Variants in GNG4 observed in about 807,000 individuals in gnomAD.
GNG4 encodes the protein guanine nucleotide-binding protein G(I)/G(S)/G(O) subunit gamma-4.
A neutral mutation model predicts 5.8 loss-of-function variants in GNG4; 4 were observed. That is an observed-to-expected ratio of 0.69 (90% confidence interval 0.34 to 1.57). The LOEUF (loss-of-function observed/expected upper bound fraction) is 1.57, where lower values mean the gene tolerates loss of function less well. Ranked by LOEUF, GNG4 falls within the 40% of genes most tolerant of loss-of-function variation. The pLI is 0.06. For synonymous variants in GNG4, 29 were observed against 32.9 expected (o/e 0.88, Z 0.41); for missense variants, 96 against 95.1 (o/e 1.01, Z -0.04).
intron 1 of GNG4, among the ~76,000 whole-genome samples, chr1:235,612,145 A>G (rs966202744): frequency 2.0e-5 from 3 of 151,450 alleles, no homozygotes; most frequent in African/African-American, 7.3e-5. Context: ...TTGGCTCCTC[A>G]TTGGTTATCA....
intron 2 of GNG4, among the ~76,000 whole-genome samples, chr1:235,587,220 GGTGAGT>G: frequency 1.2e-5 from 1 of 83,758 alleles, no homozygotes; most frequent in Middle Eastern, 4.6e-3. Flanking sequence ...TGAGGGTGTG[GGTGAGT>G]GTGAGTGTGT....
At chr1:235,635,391 G>A (rs965625063) in intron 1 of GNG4, among the ~76,000 whole-genome samples, 1 of 152,048 alleles carries the variant, frequency 6.6e-6, no homozygotes, top group Non-Finnish European at 1.5e-5. Flanking sequence ...AGCTACTTGG[G>A]AGGCTGAGGC....
intron 3 of GNG4, among the ~76,000 whole-genome samples, chr1:235,570,315 T>C (rs532276352): frequency 6.6e-6 from 1 of 151,756 alleles, no homozygotes; most frequent in African/African-American, 2.4e-5. Flanking sequence ...CTCCACTCTT[T>C]CCAGTGGTGC....
intron 2 of GNG4, among the ~76,000 whole-genome samples, chr1:235,593,467 T>G (rs1688034197): frequency 1.3e-5 from 2 of 152,206 alleles, no homozygotes; most frequent in African/African-American, 2.4e-5. Context: ...TTGACAAGTA[T>G]CTGTAGGCAG....
chr1:235,627,516 T>C (rs1688841247), intron 1 of GNG4, among the ~76,000 whole-genome samples: 1 of 152,124 alleles, frequency 6.6e-6, no homozygotes, highest in African/African-American at 2.4e-5. Flanking sequence ...CCACCGCACC[T>C]GGCCGACATA....
At chr1:235,562,659 G>GAAAAAAAAAAAAAAA (rs1318706984) in intron 3 of GNG4, among the ~76,000 whole-genome samples, 4 of 51,290 alleles carry the variant, frequency 7.8e-5, no homozygotes, top group Non-Finnish European at 8.0e-5. Flanking sequence ...AAAAAAAAAA[G>GAAAAAAAAAAAAAAA]AAAAAAAAAA....
intron 1 of GNG4, among the ~76,000 whole-genome samples, 153 bp from the exon 2 acceptor site, chr1:235,595,664 TG>T (rs1688106036): frequency 6.6e-6 from 1 of 151,914 alleles, no homozygotes; most frequent in Non-Finnish European, 1.5e-5. Context: ...CTTGGGGAGA[TG>T]GGGAGCTCGA....
intron 3 of GNG4, among the ~76,000 whole-genome samples, chr1:235,561,275 T>C (rs291351): frequency 0.48 from 72,372 of 152,012 alleles, 18,089 homozygotes; most frequent in East Asian, 0.85. Context: ...TCCCAAAGTG[T>C]TGGGATTACA....
rs187159798 is a variant in GNG4 at position 235,582,063 on chromosome 1, T to A, written c.99+1677A>T. Among the ~76,000 whole-genome samples the A allele has an allele frequency of 2.1e-3, 324 of 152,296 alleles. 1 individual carries two copies. Among genetic ancestry groups the A allele is most frequent in the Non-Finnish European group, 3.0e-3 (202 of 68,022 alleles). ...TTCTAACGTCTCTCTCCCTAGTGCC[T>A]CCCACGTTTACTCTCCATGTTCTGT... On this transcript the variant is annotated intron_variant, in intron 3 of 3. Transcript: ENST00000391854.
chr1:235,578,573 C>A (rs927279780), intron 3 of GNG4, among the ~76,000 whole-genome samples: 2 of 151,998 alleles, frequency 1.3e-5, no homozygotes, highest in African/African-American at 4.8e-5. Context: ...TATATTTACA[C>A]AATAGAATAC....
intron 1 of GNG4, chr1:235,615,917 A>G (rs746648786): frequency 4.5e-5 from 13 of 289,050 alleles, no homozygotes; most frequent in African/African-American, 1.1e-4. Context: ...TGGAGCTGAA[A>G]GGTGTCCACT....
chr1:235,592,834 C>A (rs1288639611), intron 2 of GNG4, among the ~76,000 whole-genome samples: 1 of 152,194 alleles, frequency 6.6e-6, no homozygotes, highest in Non-Finnish European at 1.5e-5. Flanking sequence ...CCGCCGGGTC[C>A]TCCTTGCTTG....
chr1:235,624,653 G>A lies in GNG4; in HGVS notation c.-123+25009C>T, dbSNP rs12024276. Among the ~76,000 whole-genome samples, 8,366 of 152,222 alleles carry A rather than the reference G, an allele frequency of 0.055. 1,228 individuals carry two copies. The East Asian group carries it at 0.56, about 10-fold the overall frequency. ...GAAGAATTAACTTTGTTAAAAAACA[G>A]GATGTCTTTGTTCCAGAGTATCAAG... On this transcript the variant is annotated intron_variant, in intron 1 of 3. Transcript: ENST00000391854.
chr1:235,637,683 G>C (rs1001104061), intron 1 of GNG4, among the ~76,000 whole-genome samples: 5 of 151,300 alleles, frequency 3.3e-5, no homozygotes, highest in African/African-American at 1.2e-4. Context: ...AAATTAGAAT[G>C]AGGAAAACAA....
rs752615744 is a variant in GNG4, at chr1:235,644,632, G to C, written c.-123+5030C>G. On this transcript the variant is annotated intron_variant, in intron 1 of 3. Transcript: ENST00000391854. The surrounding 1 kb of genome is among the most constrained non-coding windows in gnomAD (Gnocchi z 5.9). ...GACTAGAGCAGCTTCTGAGTGATAC[G>C]CAAAGTTAACTGGGGCACAGAGAAA... Among the ~76,000 whole-genome samples the C allele has an allele frequency of 6.6e-6, 1 of 152,202 alleles. No homozygotes were observed. The highest frequency in any genetic ancestry group is 2.1e-4 in the South Asian group (1 of 4,828).
At chr1:235,569,160 T>C (rs1462846558) in intron 3 of GNG4, among the ~76,000 whole-genome samples, 1 of 152,116 alleles carries the variant, frequency 6.6e-6, no homozygotes, top group Non-Finnish European at 1.5e-5. Context: ...AATGGGGTAC[T>C]GATAGCACCA....
chr1:235,594,563 C>T lies in GNG4; in HGVS notation c.-11+837G>A, dbSNP rs371199492. ...CTCAGGCATGGTGGGCTGCAGGTCCCGAGCCCTGCCCCGCAGGGAGGCAGC... is the reference window on the plus strand; with the variant it reads ...CTCAGGCATGGTGGGCTGCAGGTCCTGAGCCCTGCCCCGCAGGGAGGCAGC... On this transcript the variant is annotated intron_variant, in intron 2 of 3. Coordinates refer to ENST00000391854, the MANE Select transcript of GNG4 (RefSeq NM_001098722.2). Among the ~76,000 whole-genome samples, 29 of 152,294 alleles carry T rather than the reference C, an allele frequency of 1.9e-4. No homozygotes were observed. In the East Asian group the frequency reaches 3.1e-3, roughly 16 times the overall value.
chr1:235,624,024 T>A (rs1688760018), intron 1 of GNG4, among the ~76,000 whole-genome samples: 1 of 151,984 alleles, frequency 6.6e-6, no homozygotes, highest in Admixed American at 6.6e-5. Flanking sequence ...AGAGTACAGG[T>A]GAAAAGCACA....
intron 3 of GNG4, among the ~76,000 whole-genome samples, chr1:235,581,031 C>T (rs1004508663): frequency 1.3e-5 from 2 of 152,012 alleles, no homozygotes; most frequent in African/African-American, 2.4e-5. Flanking sequence ...GGATTACAGG[C>T]GTCAGCCACC....
Sources: allele counts gnomAD v4.1 joint callset (sites outside exome capture counted in the v4.1 genomes callset), GRCh38; gene constraint gnomAD v4.1.1; non-coding constraint Gnocchi (gnomAD v3.1); transcripts MANE v1.5; gene names NCBI Gene and HGNC (gene_info 2026-07-23, HGNC 2026-07-21).